NOC3L: variants seen among roughly 807,000 people sequenced by gnomAD.
NOC3L encodes the protein NOC3 like DNA replication regulator, also known as nucleolar complex protein 3 homolog.
In NOC3L, 85 loss-of-function variants were observed where a neutral mutation model predicts 102.5. That is an observed-to-expected ratio of 0.83 (90% confidence interval 0.70 to 0.99). NOC3L has a LOEUF of 0.99. NOC3L is among the 50% of genes least tolerant of loss of function. The pLI is 0.00. For synonymous variants in NOC3L, 303 were observed against 309.4 expected, an observed-to-expected ratio of 0.98 and a Z score of 0.22; for missense variants, 878 against 914.9, an observed-to-expected ratio of 0.96 and a Z score of 0.52.
chr10:94,335,496 G>C (rs754034008), intron 19 of NOC3L, among the ~76,000 whole-genome samples: 1 of 151,696 alleles, frequency 6.6e-6, no homozygotes, highest in Admixed American at 6.6e-5. Flanking sequence ...AAGTGTGAGG[G>C]AAGAAAAAGT....
At chr10:94,341,546 A>G in intron 14 of NOC3L, 127 bp downstream of exon 14, 1 of 442,282 alleles carries the variant, frequency 2.3e-6, no homozygotes, top group South Asian at 6.5e-5. Flanking sequence ...GGCCTTTGTC[A>G]AAATTCATAA....
In NOC3L at chr10:94,340,510, AGGGGGGGGTG is replaced by A; in HGVS notation, c.1645-24_1645-15del. On this transcript the variant is annotated splice_polypyrimidine_tract_variant and intron_variant, in intron 14 of 20. Transcript: ENST00000371361. ...ATAGCTTAGGTCCTTTAAAAAAAAA[AGGGGGGGGTG>A]AGGGGGATGGAATATTAAGAATGGT... The A allele has an allele frequency of 2.8e-6, 2 of 716,416 alleles. No individual in the cohort carries two copies. Among genetic ancestry groups the A allele is most frequent in the Non-Finnish European group, 2.2e-6 (1 of 446,190 alleles). The allele number at this position is 716,416 out of a possible 1,614,324, so 44.4% of individuals were successfully genotyped here.
chr10:94,359,936 A>G (rs910357055), intron 2 of NOC3L, among the ~76,000 whole-genome samples: 1 of 152,204 alleles, frequency 6.6e-6, no homozygotes, highest in African/African-American at 2.4e-5. Flanking sequence ...TACCGAACAG[A>G]TATCTGCACT....
At chr10:94,334,743 A>G (rs1329502116) in intron 19 of NOC3L, 25 bp from the exon 20 acceptor site, 9 of 1,483,032 alleles carry the variant, frequency 6.1e-6, no homozygotes, top group Non-Finnish European at 8.5e-6. Flanking sequence ...CAAAAAATGT[A>G]AAGATACCAC....
At chr10:94,343,047 G>A (rs1422754411) in intron 13 of NOC3L, among the ~76,000 whole-genome samples, 5 of 149,298 alleles carry the variant, frequency 3.3e-5, no homozygotes, top group Non-Finnish European at 5.9e-5. Flanking sequence ...TTACGTCACT[G>A]CAACCCAGCC....
At chr10:94,361,167 T>C (rs1205372196) in intron 2 of NOC3L, among the ~76,000 whole-genome samples, 5 of 152,192 alleles carry the variant, frequency 3.3e-5, no homozygotes, top group Non-Finnish European at 5.9e-5. Context: ...AAGTTTTGAG[T>C]ACTTAATAAT....
rs559891410 is a variant in NOC3L, at chr10:94,359,422, C to T, written c.218-1207G>A. Among the ~76,000 whole-genome samples, 77 of 151,748 alleles carry T rather than the reference C, an allele frequency of 5.1e-4. 1 individual carries two copies. The highest frequency in any genetic ancestry group is 5.0e-4 in the Non-Finnish European group (34 of 67,964). ...AGCAGAAATCGCCACTGAACTCCAG[C>T]CTGGGCAACAAGTGTGAAACTCCGT... On this transcript the variant is annotated intron_variant, in intron 2 of 20. Coordinates refer to ENST00000371361, the MANE Select transcript of NOC3L (RefSeq NM_022451.11).
intron 10 of NOC3L, among the ~76,000 whole-genome samples, chr10:94,348,537 A>G (rs2054375329): frequency 6.6e-6 from 1 of 152,064 alleles, no homozygotes; most frequent in Non-Finnish European, 1.5e-5. Flanking sequence ...TGTACTAAAA[A>G]CTCATCACAA....
At chr10:94,341,980 A>C (rs2054290439) in intron 13 of NOC3L, among the ~76,000 whole-genome samples, 1 of 152,202 alleles carries the variant, frequency 6.6e-6, no homozygotes, top group Non-Finnish European at 1.5e-5. Flanking sequence ...AACCAAAAAT[A>C]TTTCAAAAAT....
downstream of NOC3L, chr10:94,329,872 T>C (rs1307490266): frequency 1.4e-5 from 2 of 141,214 alleles, no homozygotes; most frequent in Non-Finnish European, 3.0e-5. Flanking sequence ...AGGCTAGAAC[T>C]ACCATTTTCT....
intron 1 of NOC3L, 75 bp downstream of exon 1, chr10:94,362,755 A>T: frequency 6.5e-7 from 1 of 1,537,676 alleles, no homozygotes; most frequent in Non-Finnish European, 9.0e-7. Flanking sequence ...ACCTGCCTAA[A>T]AGCTAACTCA....
chr10:94,335,832 C>T (rs999966178), intron 19 of NOC3L, among the ~76,000 whole-genome samples: 2 of 152,030 alleles, frequency 1.3e-5, no homozygotes, highest in African/African-American at 2.4e-5. Context: ...GGCTTGCAAA[C>T]GGAAAAAACC....
the NOC3L span, among the ~76,000 whole-genome samples, chr10:94,317,015 C>T: frequency 6.6e-6 from 1 of 152,094 alleles, no homozygotes; most frequent in South Asian, 2.1e-4. Flanking sequence ...TTTTGGGAGG[C>T]CGAGGTGGGT....
At chr10:94,349,700 T>C in intron 9 of NOC3L, among the ~76,000 whole-genome samples, 1 of 123,226 alleles carries the variant, frequency 8.1e-6, no homozygotes, top group Admixed American at 9.3e-5. Context: ...AATAAATAAC[T>C]TCAGAAGAAT....
At chr10:94,352,145 T>C (rs551767147) in intron 8 of NOC3L, among the ~76,000 whole-genome samples, 165 bp downstream of exon 8, 1 of 152,274 alleles carries the variant, frequency 6.6e-6, no homozygotes, top group South Asian at 2.1e-4. Flanking sequence ...TCCCATCACA[T>C]AGGTAGTAAG....
At position 94,355,068 on chromosome 10, in the gene NOC3L, CTCTTGAATAGGA is replaced by C; in HGVS notation, c.579_590del (p.Asp193_Gln196del). 2 of 1,612,322 alleles carry C rather than the reference CTCTTGAATAGGA, an allele frequency of 1.2e-6. No homozygotes were observed. The highest frequency in any genetic ancestry group is 1.7e-6 in the Non-Finnish European group (2 of 1,179,156). On this transcript the variant is annotated inframe_deletion, in exon 6 of 21. Coordinates refer to ENST00000371361, the MANE Select transcript of NOC3L (RefSeq NM_022451.11). ...CAATCAAATGTTCTTCTATGGTCAG[CTCTTGAATAGGA>C]TCTTCAATGATCTCTAAAACAGATT...
At chr10:94,344,578 A>G (rs1012674622) in intron 12 of NOC3L, 63 bp from the exon 13 acceptor site, 16 of 1,152,602 alleles carry the variant, frequency 1.4e-5, no homozygotes, top group Admixed American at 3.8e-5. Flanking sequence ...CTGAGTGAGC[A>G]TAAGTATCAC....
chr10:94,347,214 A>G (rs1209426255), intron 10 of NOC3L, among the ~76,000 whole-genome samples: 1 of 152,186 alleles, frequency 6.6e-6, no homozygotes, highest in Admixed American at 6.5e-5. Flanking sequence ...ACAGGTTTGT[A>G]TTATTTTGAT....
chr10:94,320,577 C>T, the NOC3L span, among the ~76,000 whole-genome samples: 4 of 152,300 alleles, frequency 2.6e-5, no homozygotes, highest in East Asian at 3.9e-4. Flanking sequence ...TTAGTTAGCA[C>T]CCATTTCAGT....
Sources: gnomAD v4.1 joint callset for allele counts (sites outside exome capture counted in the v4.1 genomes callset) on GRCh38, gnomAD v4.1.1 for gene constraint, MANE v1.5 for transcripts, NCBI Gene and HGNC (gene_info 2026-07-23, HGNC 2026-07-21) for gene names.